TAMM41: variants seen among roughly 807,000 people sequenced by gnomAD.
The protein encoded by TAMM41 is TAM41 mitochondrial translocator assembly and maintenance homolog, also known as phosphatidate cytidylyltransferase, mitochondrial.
Under a neutral mutation model 44.1 loss-of-function variants are expected in TAMM41, and 36 were observed. The observed-to-expected ratio is 0.82, with a 90% CI of 0.63 to 1.08. The LOEUF (loss-of-function observed/expected upper bound fraction) is 1.08, where lower values mean the gene tolerates loss of function less well. TAMM41 is among the 50% of genes least tolerant of loss of function. TAMM41 has a pLI of 0.00. For synonymous variants in TAMM41, 164 were observed against 153.1 expected, an observed-to-expected ratio of 1.07 and a Z score of -0.53; for missense variants, 417 against 404.3, an observed-to-expected ratio of 1.03 and a Z score of -0.27.
chr3:11,787,878 A>C (rs757999274), downstream of TAMM41, among the ~76,000 whole-genome samples: 3 of 152,222 alleles, frequency 2.0e-5, no homozygotes, highest in Non-Finnish European at 2.9e-5. Flanking sequence ...CTTACTCCCG[A>C]AGAGTTCCAC....
In TAMM41 at chr3:11,839,395, A is replaced by G. The variant is rs113087354; in HGVS notation, c.319-81T>C. The G allele has an allele frequency of 1.1e-3, 1,080 of 943,288 alleles. 7 individuals are homozygous for G. The African/African-American group carries it at 0.015, about 13-fold the overall frequency. The allele number at this position is 943,288 out of a possible 1,614,324, so 58.4% of individuals were successfully genotyped here. On this transcript the variant is annotated intron_variant, in intron 2 of 7. Transcript: ENST00000455809. ...ACAAGTATAAAATATAAGGAAACAG[A>G]TAAAATTCTTGACCAGAGCAGTACC...
At position 11,829,675 on chromosome 3, in the gene TAMM41, C is replaced by T. The variant is rs374737511; in HGVS notation, c.562+39G>A. ...ATATCCGCAGTCTTCAAATATAAAT[C>T]TCTCCCTTGTAGAACATCTGGGCAG... On this transcript the variant is annotated intron_variant, in intron 4 of 7. Transcript: ENST00000455809. 12 of 1,608,514 alleles carry T rather than the reference C, an allele frequency of 7.5e-6. No homozygotes were observed. In the African/African-American group the frequency reaches 1.5e-4, roughly 20 times the overall value.
At chr3:11,764,483 A>ATTTTTTTTTTTTTTTTT in the TAMM41 span, among the ~76,000 whole-genome samples, 1 of 86,330 alleles carries the variant, frequency 1.2e-5, no homozygotes, top group Non-Finnish European at 2.3e-5. Context: ...CCATAATCTT[A>ATTTTTTTTTTTTTTTTT]TTCTTTTTTT....
At chr3:11,737,468 C>A in the TAMM41 span, among the ~76,000 whole-genome samples, 1 of 151,890 alleles carries the variant, frequency 6.6e-6, no homozygotes, top group Admixed American at 6.6e-5. Flanking sequence ...TTACAGGCAC[C>A]CACCACCACG....
At chr3:11,804,996 C>CTTTTT (rs1156555980) in intron 7 of TAMM41, among the ~76,000 whole-genome samples, 3 of 103,082 alleles carry the variant, frequency 2.9e-5, no homozygotes, top group Non-Finnish European at 3.8e-5. Context: ...ACGCCCAGCC[C>CTTTTT]TTTTTTTTTT....
chr3:11,733,787 GC>G, the TAMM41 span, among the ~76,000 whole-genome samples: 2 of 151,872 alleles, frequency 1.3e-5, no homozygotes, highest in Admixed American at 1.3e-4. Flanking sequence ...GAGCCACCAC[GC>G]CCGGCCAGGG....
At chr3:11,726,600 G>C in the TAMM41 span, among the ~76,000 whole-genome samples, 1 of 152,242 alleles carries the variant, frequency 6.6e-6, no homozygotes, top group Non-Finnish European at 1.5e-5. Flanking sequence ...TCAGGAGTTT[G>C]AGACCAGCCT....
rs118170524 is a variant in TAMM41 at position 11,842,428 on chromosome 3, G to A, written c.318+1601C>T. ...AAAAAAAAAAAGCAGAACCTTGGTGGGGCATGGTGGCTCACACCTGTAAAT... is the reference window on the plus strand; with the variant it reads ...AAAAAAAAAAAGCAGAACCTTGGTGAGGCATGGTGGCTCACACCTGTAAAT... On this transcript the variant is annotated intron_variant, in intron 2 of 7. Transcript: ENST00000455809. Among the ~76,000 whole-genome samples, 114 of 151,748 alleles carry A rather than the reference G, an allele frequency of 7.5e-4. 1 individual carries two copies. The East Asian group carries it at 0.015, about 20-fold the overall frequency.
At chr3:11,764,686 G>A in the TAMM41 span, among the ~76,000 whole-genome samples, 3 of 151,524 alleles carry the variant, frequency 2.0e-5, no homozygotes, top group African/African-American at 7.3e-5. Context: ...TAGAGACGGG[G>A]TTTCACCGTG....
intron 7 of TAMM41, among the ~76,000 whole-genome samples, chr3:11,805,333 C>T (rs2077876015): frequency 6.6e-6 from 1 of 152,054 alleles, no homozygotes; most frequent in African/African-American, 2.4e-5. Context: ...GACAGGGTTC[C>T]ACCATGTTGC....
the TAMM41 span, among the ~76,000 whole-genome samples, chr3:11,777,237 C>G: frequency 6.6e-6 from 1 of 151,892 alleles, no homozygotes; most frequent in East Asian, 1.9e-4. Context: ...AGATTGTATA[C>G]CTTAAATACA....
rs528778548 is a variant in TAMM41 at position 11,798,568 on chromosome 3, T to C, written c.938-7987A>G. 5.3e-5 allele frequency among the ~76,000 whole-genome samples: 8 copies of C among 152,198 alleles called. No homozygotes were observed. The South Asian group carries it at 1.7e-3, about 32-fold the overall frequency. On this transcript the variant is annotated intron_variant, in intron 7 of 7. Transcript: ENST00000455809. ...ATGGGTTCTAACTAGGCTTAATAAA[T>C]AGGTGACAAAATAATCTGTGTAACA... is the stretch of plus-strand genomic sequence containing the variant.
At chr3:11,778,667 T>A in the TAMM41 span, among the ~76,000 whole-genome samples, 1 of 152,166 alleles carries the variant, frequency 6.6e-6, no homozygotes, top group Non-Finnish European at 1.5e-5. Flanking sequence ...AAAATGACTA[T>A]GTGTCTTTTT....
intron 7 of TAMM41, among the ~76,000 whole-genome samples, chr3:11,790,808 G>A (rs1006897858): frequency 1.3e-5 from 2 of 152,198 alleles, no homozygotes; most frequent in East Asian, 1.9e-4. Flanking sequence ...GGATGCCAAC[G>A]GTTCCTAAGT....
At chr3:11,768,270 G>A in the TAMM41 span, among the ~76,000 whole-genome samples, 3 of 151,776 alleles carry the variant, frequency 2.0e-5, no homozygotes, top group Non-Finnish European at 4.4e-5. Flanking sequence ...CTGAGTAGCT[G>A]GGACTACATG....
At chr3:11,802,084 T>C (rs1459732274) in intron 7 of TAMM41, among the ~76,000 whole-genome samples, 4 of 152,110 alleles carry the variant, frequency 2.6e-5, no homozygotes, top group Non-Finnish European at 5.9e-5. Flanking sequence ...CCAGGCATGG[T>C]AGTGTGCACT....
the TAMM41 span, among the ~76,000 whole-genome samples, chr3:11,732,151 GCCA>G: frequency 6.6e-6 from 1 of 152,182 alleles, no homozygotes; most frequent in East Asian, 1.9e-4. Flanking sequence ...ACAGGTGTGA[GCCA>G]CCACACTTGG....
chr3:11,802,799 C>T (rs1407071885), intron 7 of TAMM41, among the ~76,000 whole-genome samples: 1 of 152,164 alleles, frequency 6.6e-6, no homozygotes, highest in Non-Finnish European at 1.5e-5. Flanking sequence ...CAAAAATCCT[C>T]AACAAAATAC....
the TAMM41 span, among the ~76,000 whole-genome samples, chr3:11,757,988 G>A: frequency 6.6e-6 from 1 of 152,182 alleles, no homozygotes; most frequent in Non-Finnish European, 1.5e-5. Flanking sequence ...GTTACAGAGA[G>A]CCATGGAAGT....
Sources: gnomAD v4.1 joint callset for allele counts (sites outside exome capture counted in the v4.1 genomes callset) on GRCh38, gnomAD v4.1.1 for gene constraint, MANE v1.5 for transcripts, NCBI Gene and HGNC (gene_info 2026-07-23, HGNC 2026-07-21) for gene names.